The following RASGRF2 variants were observed in gnomAD, a reference collection of about 807,000 sequenced individuals.
RASGRF2 encodes the protein ras-specific guanine nucleotide-releasing factor 2.
RASGRF2 carries 76 observed loss-of-function variants against 151.0 expected under a neutral mutation model. The ratio of observed to expected loss-of-function variants is 0.50; its 90% CI spans 0.42 to 0.61. The LOEUF (loss-of-function observed/expected upper bound fraction) is 0.61, where lower values mean the gene tolerates loss of function less well. RASGRF2 is among the 20% of genes least tolerant of loss of function. The pLI, the probability that RASGRF2 is intolerant of heterozygous loss-of-function variation, is 0.00. For missense variants in RASGRF2, 1,148 were observed against 1,564.6 expected (o/e 0.73, Z 4.49); for synonymous variants, 504 against 566.5 (o/e 0.89, Z 1.57).
intron 2 of RASGRF2, among the ~76,000 whole-genome samples, chr5:81,047,766 CT>C (rs1468127379): frequency 6.6e-6 from 1 of 152,214 alleles, no homozygotes; most frequent in African/African-American, 2.4e-5. Flanking sequence ...GCCTTATTCT[CT>C]TTTCCAGTAA....
intron 15 of RASGRF2, among the ~76,000 whole-genome samples, chr5:81,119,617 C>T (rs1481043285): frequency 1.3e-5 from 2 of 152,198 alleles, no homozygotes; most frequent in Non-Finnish European, 2.9e-5. Flanking sequence ...CTTCGAAGAC[C>T]TGTCAGTACA....
At chr5:81,119,579 A>T (rs576020153) in intron 15 of RASGRF2, among the ~76,000 whole-genome samples, 1 of 152,244 alleles carries the variant, frequency 6.6e-6, no homozygotes, top group Non-Finnish European at 1.5e-5. Flanking sequence ...AGCTGGATCA[A>T]GCTCTTAGGG....
intron 18 of RASGRF2, among the ~76,000 whole-genome samples, chr5:81,200,457 T>G (rs1434870668): frequency 4.1e-4 from 62 of 152,320 alleles, no homozygotes; most frequent in Non-Finnish European, 1.0e-4. Flanking sequence ...GGGTGCCTCT[T>G]CAATCTCACT....
chr5:81,015,179 C>CT (rs1434811376), intron 1 of RASGRF2, among the ~76,000 whole-genome samples: 2 of 152,114 alleles, frequency 1.3e-5, no homozygotes, highest in Non-Finnish European at 2.9e-5. Flanking sequence ...CTTTCCAACT[C>CT]TAGATTTTAT....
At position 81,219,939 on chromosome 5, in the gene RASGRF2, AAAG is replaced by A. The variant is rs1165833660; in HGVS notation, c.3621+164_3621+166del. 9 of 560,492 alleles carry A rather than the reference AAAG, an allele frequency of 1.6e-5. No homozygotes were observed. In the African/African-American group the frequency reaches 1.7e-4, roughly 11 times the overall value. The allele number at this position is 560,492 out of a possible 1,614,324, so 34.7% of individuals were successfully genotyped here. ...CTAGTCTGATTAAAAAAAAAAAAAA[AAAG>A]AACATCAATTCATCATCAAGTTCTA... On this transcript the variant is annotated intron_variant, in intron 26 of 26. Coordinates refer to ENST00000265080, the MANE Select transcript of RASGRF2 (RefSeq NM_006909.3).
At chr5:81,202,041 C>T (rs1293389806) in intron 19 of RASGRF2, among the ~76,000 whole-genome samples, 1 of 152,160 alleles carries the variant, frequency 6.6e-6, no homozygotes, top group Non-Finnish European at 1.5e-5. Context: ...GGGTGTACTG[C>T]TAGAGATTGT....
intron 19 of RASGRF2, among the ~76,000 whole-genome samples, chr5:81,206,060 G>T (rs1203557499): frequency 6.6e-6 from 1 of 152,092 alleles, no homozygotes; most frequent in East Asian, 1.9e-4. Flanking sequence ...AAAATGCCTG[G>T]CTCCAATGGC....
At chr5:80,963,561 C>A (rs181743433) in intron 1 of RASGRF2, among the ~76,000 whole-genome samples, 1 of 152,252 alleles carries the variant, frequency 6.6e-6, no homozygotes, top group African/African-American at 2.4e-5. Context: ...TTATGACAGA[C>A]AGGGTGAGCT....
At chr5:80,970,415 TA>T (rs1400557492) in intron 1 of RASGRF2, among the ~76,000 whole-genome samples, 3 of 152,190 alleles carry the variant, frequency 2.0e-5, no homozygotes, top group African/African-American at 4.8e-5. Context: ...ACAGTGGGAA[TA>T]TTACAAGACA....
At chr5:81,093,764 G>A (rs1752458578) in intron 10 of RASGRF2, among the ~76,000 whole-genome samples, 1 of 152,152 alleles carries the variant, frequency 6.6e-6, no homozygotes, top group Admixed American at 6.5e-5. Flanking sequence ...ACACAGCCAT[G>A]CGCATGTCTT....
chr5:81,081,136 G>A (rs1381941064), intron 7 of RASGRF2, among the ~76,000 whole-genome samples: 2 of 152,184 alleles, frequency 1.3e-5, no homozygotes, highest in East Asian at 3.8e-4. Flanking sequence ...TACAGAAATA[G>A]GATTCTGTGC....
chr5:81,140,601 C>T (rs995023687), intron 17 of RASGRF2, among the ~76,000 whole-genome samples: 1 of 152,134 alleles, frequency 6.6e-6, no homozygotes, highest in Non-Finnish European at 1.5e-5. Flanking sequence ...GGAAACATGC[C>T]ACGCAGCAAG....
chr5:81,043,727 C>T (rs1429034100), intron 2 of RASGRF2, among the ~76,000 whole-genome samples: 2 of 152,180 alleles, frequency 1.3e-5, no homozygotes, highest in Non-Finnish European at 2.9e-5. Context: ...CCACTACTCC[C>T]TGCTCTCTTG....
rs1446953915 is a variant in RASGRF2 at position 81,226,764 on chromosome 5, T to G, written c.*994T>G. The G allele has an allele frequency of 6.6e-6, 1 of 152,112 alleles. No homozygotes were observed. The highest frequency in any genetic ancestry group is 2.4e-5 in the African/African-American group (1 of 41,416). The allele number at this position is 152,112 out of a possible 1,614,324, so 9.4% of individuals were successfully genotyped here. A position where few individuals can be genotyped will look rare whatever the true frequency, so the allele number is the denominator to read the frequency against. The stretch of plus-strand genomic sequence containing the variant: ...AGGCTTACTATGAACATTGGCTGTA[T>G]TTTTTTTAAACAGTTTAGTGAAATT... On this transcript the variant is annotated 3_prime_UTR_variant, in exon 27 of 27. Transcript: ENST00000265080.
intron 12 of RASGRF2, among the ~76,000 whole-genome samples, chr5:81,101,764 C>T (rs1006219894): frequency 2.0e-5 from 3 of 151,964 alleles, no homozygotes; most frequent in African/African-American, 4.8e-5. Flanking sequence ...GGCCTTTTGA[C>T]GTATGGTTTG....
At chr5:81,020,027 A>G (rs1320596571) in intron 1 of RASGRF2, among the ~76,000 whole-genome samples, 1 of 152,232 alleles carries the variant, frequency 6.6e-6, no homozygotes, top group Non-Finnish European at 1.5e-5. Flanking sequence ...CTCTGTAAAA[A>G]CACATAGCAT....
intron 17 of RASGRF2, among the ~76,000 whole-genome samples, chr5:81,178,697 G>A (rs1418241642): frequency 1.3e-5 from 2 of 152,122 alleles, no homozygotes; most frequent in African/African-American, 2.4e-5. Context: ...CGAGTAGGAT[G>A]TAGAGAGAAC....
chr5:81,073,834 G>T (rs1751857086), intron 5 of RASGRF2, among the ~76,000 whole-genome samples: 2 of 152,124 alleles, frequency 1.3e-5, no homozygotes, highest in Non-Finnish European at 2.9e-5. Context: ...AGACAGGATG[G>T]TCTCGATCTC....
chr5:81,181,977 T>G (rs1452150324), intron 18 of RASGRF2, among the ~76,000 whole-genome samples: 1 of 152,144 alleles, frequency 6.6e-6, no homozygotes, highest in Non-Finnish European at 1.5e-5. Flanking sequence ...GTGAAAAAAT[T>G]CATAGATGGG....
Sources: gnomAD v4.1 joint callset for allele counts (sites outside exome capture counted in the v4.1 genomes callset) on GRCh38, gnomAD v4.1.1 for gene constraint, MANE v1.5 for transcripts, NCBI Gene and HGNC (gene_info 2026-07-23, HGNC 2026-07-21) for gene names.